FMN2: variants seen among roughly 807,000 people sequenced by gnomAD.
FMN2 encodes the protein formin 2.
A neutral mutation model predicts 142.3 loss-of-function variants in FMN2; 51 were observed. The ratio of observed to expected loss-of-function variants is 0.36; its 90% CI spans 0.29 to 0.45. FMN2 has a LOEUF of 0.45. Ranked by LOEUF, FMN2 falls within the 20% of genes least tolerant of loss-of-function variation. FMN2 has a pLI of 1.00. For synonymous variants in FMN2, 882 were observed against 869.8 expected (o/e 1.01, Z -0.25); for missense variants, 1,936 against 2,122.8 (o/e 0.91, Z 1.73).
chr1:240,435,049 A>G (rs555215443), intron 15 of FMN2, among the ~76,000 whole-genome samples: 1 of 152,290 alleles, frequency 6.6e-6, no homozygotes, highest in Admixed American at 6.5e-5. Context: ...TCATGCCAAT[A>G]ATAAGGTTCA....
chr1:240,143,005 G>A, intron 2 of FMN2: 1 of 1,540,720 alleles, frequency 6.5e-7, no homozygotes, highest in Non-Finnish European at 9.0e-7. Context: ...GGCACGGTGA[G>A]CAGCCCAGCC....
intron 7 of FMN2, among the ~76,000 whole-genome samples, chr1:240,270,203 TGTC>T (rs1265305447): frequency 2.0e-5 from 3 of 152,084 alleles, no homozygotes; most frequent in African/African-American, 7.2e-5. Flanking sequence ...AGAAACATTC[TGTC>T]TATACCCAAT....
intron 17 of FMN2, 106 bp from the exon 18 acceptor site, chr1:240,474,022 C>A: frequency 1.0e-6 from 1 of 966,946 alleles, no homozygotes; most frequent in Non-Finnish European, 1.5e-6. Flanking sequence ...CCTTGTCCCA[C>A]AGAATTTGAT....
chr1:240,426,631 C>T (rs564045278), intron 15 of FMN2, among the ~76,000 whole-genome samples: 2 of 152,168 alleles, frequency 1.3e-5, no homozygotes, highest in Non-Finnish European at 2.9e-5. Flanking sequence ...TCCTCTATAA[C>T]CCTACCCGCT....
chr1:240,424,496 G>A (rs1030130723), intron 15 of FMN2, among the ~76,000 whole-genome samples: 15 of 152,140 alleles, frequency 9.9e-5, no homozygotes, highest in Non-Finnish European at 1.6e-4. Flanking sequence ...TGGGGATATG[G>A]GAATGAGGGA....
intron 16 of FMN2, among the ~76,000 whole-genome samples, chr1:240,440,244 T>C (rs948387477): frequency 1.3e-5 from 2 of 152,170 alleles, no homozygotes; most frequent in African/African-American, 4.8e-5. Flanking sequence ...GGTGAGATGC[T>C]TCCTCAGAGA....
At chr1:240,141,768 A>G (rs1472197977) in intron 2 of FMN2, among the ~76,000 whole-genome samples, 2 of 152,152 alleles carry the variant, frequency 1.3e-5, no homozygotes, top group Admixed American at 6.5e-5. Context: ...AGGGGACAGG[A>G]TAGTTGCTGA....
chr1:240,149,746 T>TTATA (rs1212374620), intron 2 of FMN2, among the ~76,000 whole-genome samples: 1 of 152,176 alleles, frequency 6.6e-6, no homozygotes, highest in Non-Finnish European at 1.5e-5. Context: ...ATATAAGGAG[T>TTATA]TACAGGAAGG....
intron 2 of FMN2, among the ~76,000 whole-genome samples, chr1:240,152,375 A>T (rs2103274309): frequency 6.6e-6 from 1 of 151,760 alleles, no homozygotes; most frequent in Non-Finnish European, 1.5e-5. Context: ...GTTTCCTTTT[A>T]TAAGGCTATA....
intron 14 of FMN2, among the ~76,000 whole-genome samples, chr1:240,363,725 C>A (rs34617840): frequency 0.19 from 29,513 of 152,176 alleles, 3,402 homozygotes; most frequent in Admixed American, 0.31. Context: ...ACGTCCCCAA[C>A]TCTGTTTCTC....
chr1:240,377,951 T>A (rs1673100581), intron 14 of FMN2, among the ~76,000 whole-genome samples: 1 of 152,096 alleles, frequency 6.6e-6, no homozygotes, highest in Non-Finnish European at 1.5e-5. Flanking sequence ...GGGCCATTAT[T>A]CTGCCTACCA....
rs974691443 is a variant in FMN2, at chr1:240,178,011, A to G, written c.1873A>G (p.Met625Val). ...EGQFPRRVPS[M>V]GPPSKPPDEE... The stretch of plus-strand genomic sequence containing the variant: ...GCAGTTTCCTAGGCGAGTTCCATCC[A>G]TGGGGCCACCATCCAAACCTCCCGA... Residue 625 changes from methionine to valine, a missense_variant, in exon 3 of 18, where the codon ATG becomes GTG. Physicochemically the swap from Met to Val is conservative, Grantham distance 21. Transcript: ENST00000319653. The G allele has an allele frequency of 1.9e-6, 3 of 1,612,596 alleles. No homozygotes were observed. Among genetic ancestry groups the G allele is most frequent in the Non-Finnish European group, 8.5e-7 (1 of 1,179,462 alleles).
intron 13 of FMN2, among the ~76,000 whole-genome samples, chr1:240,343,476 C>A (rs138072346): frequency 1.8e-4 from 28 of 152,242 alleles, no homozygotes; most frequent in African/African-American, 6.7e-4. Flanking sequence ...CTGCGCAGAA[C>A]CCTTCAGGGA....
chr1:240,172,212 A>G (rs1015276813), intron 2 of FMN2, among the ~76,000 whole-genome samples: 8 of 151,408 alleles, frequency 5.3e-5, no homozygotes, highest in Middle Eastern at 3.4e-3. Context: ...ACACACACAC[A>G]CACACAGAAA....
intron 2 of FMN2, among the ~76,000 whole-genome samples, chr1:240,148,971 CA>C (rs57556688): frequency 1.4e-5 from 2 of 143,848 alleles, no homozygotes; most frequent in African/African-American, 2.6e-5. Context: ...GACTCCGTCT[CA>C]AAAAAAAATA....
rs143444734 is a variant in FMN2 at position 240,399,719 on chromosome 1, C to A, written c.4910+7157C>A. Among the ~76,000 whole-genome samples, 199 of 152,268 alleles carry A rather than the reference C, an allele frequency of 1.3e-3. 1 individual carries two copies. The highest frequency in any genetic ancestry group is 4.6e-3 in the African/African-American group (193 of 41,552). ...TCTCAACACTTCCTTACTTAAAGGG[C>A]AGATGCTCCAGCTCAGGTGTAGCCA... On this transcript the variant is annotated intron_variant, in intron 15 of 17. Transcript: ENST00000319653.
intron 16 of FMN2, among the ~76,000 whole-genome samples, chr1:240,452,146 A>AC (rs1676078011): frequency 6.6e-6 from 1 of 151,846 alleles, no homozygotes; most frequent in Non-Finnish European, 1.5e-5. Context: ...AGCCGAGATC[A>AC]CACCACCGCA....
intron 7 of FMN2, among the ~76,000 whole-genome samples, chr1:240,266,709 A>G (rs1668821594): frequency 6.6e-6 from 1 of 151,940 alleles, no homozygotes; most frequent in Non-Finnish European, 1.5e-5. Context: ...ACAATTTATT[A>G]TTACAGAGAC....
At chr1:240,099,751 A>C (rs1159176385) in intron 1 of FMN2, among the ~76,000 whole-genome samples, 2 of 152,148 alleles carry the variant, frequency 1.3e-5, no homozygotes, top group African/African-American at 4.8e-5. Context: ...TTTTCCAGCC[A>C]GACCTTACTG....
Sources: gnomAD v4.1 joint callset for allele counts (sites outside exome capture counted in the v4.1 genomes callset) on GRCh38, gnomAD v4.1.1 for gene constraint, MANE v1.5 for transcripts, NCBI Gene and HGNC (gene_info 2026-07-23, HGNC 2026-07-21) for gene names.